Variants in ARID3B observed in about 807,000 individuals in gnomAD.
ARID3B encodes AT-rich interaction domain 3B, also known as AT-rich interactive domain-containing protein 3B.
In ARID3B, 10 loss-of-function variants were observed where a neutral mutation model predicts 51.9. The ratio of observed to expected loss-of-function variants is 0.19; its 90% CI spans 0.12 to 0.33. The LOEUF is 0.33. Among genes scored for constraint, ARID3B ranks in the 10% least tolerant of loss-of-function variants. The pLI is 1.00. For missense variants in ARID3B, 483 were observed against 716.3 expected (o/e 0.67, Z 3.72); for synonymous variants, 205 against 279.5 (o/e 0.73, Z 2.66).
At chr15:74,555,036 G>A (rs570306102) in intron 2 of ARID3B, among the ~76,000 whole-genome samples, 47 of 152,216 alleles carry the variant, frequency 3.1e-4, no homozygotes, top group African/African-American at 1.1e-3. Context: ...TGTGGTGATG[G>A]AGATGCTAAT....
chr15:74,547,151 TC>T (rs1201289406), intron 2 of ARID3B, among the ~76,000 whole-genome samples: 2 of 150,190 alleles, frequency 1.3e-5, no homozygotes, highest in Non-Finnish European at 3.0e-5. Context: ...CACAGATCTT[TC>T]CCCCCCGCCT....
In ARID3B at chr15:74,598,059, A is replaced by G. The variant is rs1288253538; in HGVS notation, c.*2285A>G. The G allele has an allele frequency of 1.9e-6, 1 of 526,164 alleles. No individual in the cohort carries two copies. The highest frequency in any genetic ancestry group is 3.7e-6 in the Non-Finnish European group (1 of 269,782). 32.6% of individuals were successfully genotyped at this position (526,164 alleles called of 1,614,324 possible). On this transcript the variant is annotated 3_prime_UTR_variant, in exon 9 of 9. Coordinates refer to ENST00000346246, the MANE Select transcript of ARID3B (RefSeq NM_006465.4). ...ATGTCCTCCTGCAGCAAGTGTCTAT[A>G]TGTTGTGGTTATTTTCTATCTTACA...
chr15:74,561,798 C>A (rs1353807407), intron 2 of ARID3B, among the ~76,000 whole-genome samples: 1 of 152,136 alleles, frequency 6.6e-6, no homozygotes, highest in Non-Finnish European at 1.5e-5. Context: ...TATTTTTCAA[C>A]CTTATGGTGG....
chr15:74,543,975 A>AG lies in ARID3B; in HGVS notation c.39_40insG (p.Gln14AlafsTer70), dbSNP rs529059345. 4.2e-4 allele frequency: 674 copies of AG among 1,601,010 alleles called. 2 individuals are homozygous for AG. The highest frequency in any genetic ancestry group is 3.4e-3 in the East Asian group (151 of 43,924). On this transcript the variant is annotated frameshift_variant, in exon 2 of 9. Coordinates refer to ENST00000346246, the MANE Select transcript of ARID3B (RefSeq NM_006465.4). LOFTEE classifies it high-confidence loss of function. ...AGCAGCAGCAGCAGCAGCAGCAGCA[A>AG]CAACAGAAGCAGCCACACCTGGCTC...
chr15:74,586,072 T>A (rs1017866902), intron 4 of ARID3B, among the ~76,000 whole-genome samples: 1 of 152,190 alleles, frequency 6.6e-6, no homozygotes, highest in Non-Finnish European at 1.5e-5. Context: ...AGAACCAGGG[T>A]GCCTGATCAG....
At position 74,596,058 on chromosome 15, in the gene ARID3B, C is replaced by A; in HGVS notation, c.*284C>A. ...TCCAGCTTCCTCCAGGGTTCCCCAG[C>A]CACCTCCCAGCTCAGGGCACAGTGT... On this transcript the variant is annotated 3_prime_UTR_variant, in exon 9 of 9. Coordinates refer to ENST00000346246, the MANE Select transcript of ARID3B (RefSeq NM_006465.4). 1 of 426,498 alleles carries A rather than the reference C, an allele frequency of 2.3e-6. No homozygotes were observed. Among genetic ancestry groups the A allele is most frequent in the Non-Finnish European group, 4.2e-6 (1 of 239,916 alleles). The allele number at this position is 426,498 out of a possible 1,614,324, so 26.4% of individuals were successfully genotyped here. A position where few individuals can be genotyped will look rare whatever the true frequency, so the allele number is the denominator to read the frequency against.
At chr15:74,565,646 A>G (rs1421983041) in intron 2 of ARID3B, among the ~76,000 whole-genome samples, 2 of 152,190 alleles carry the variant, frequency 1.3e-5, no homozygotes, top group Non-Finnish European at 2.9e-5. Flanking sequence ...TTTTAAAGTC[A>G]GGCGCTTCTG....
At chr15:74,552,888 A>G (rs75586257) in intron 2 of ARID3B, among the ~76,000 whole-genome samples, 3 of 152,258 alleles carry the variant, frequency 2.0e-5, no homozygotes, top group Non-Finnish European at 2.9e-5. Context: ...TAAAGCTATC[A>G]TACACATCTG....
At chr15:74,560,148 T>C (rs2141455667) in intron 2 of ARID3B, among the ~76,000 whole-genome samples, 1 of 150,674 alleles carries the variant, frequency 6.6e-6, no homozygotes, top group African/African-American at 2.4e-5. Flanking sequence ...GAGATTGCAG[T>C]GAGCCACGAT....
At chr15:74,567,151 G>A (rs929644304) in intron 2 of ARID3B, among the ~76,000 whole-genome samples, 10 of 152,052 alleles carry the variant, frequency 6.6e-5, no homozygotes, top group Non-Finnish European at 1.3e-4. Flanking sequence ...TGGTATTCAA[G>A]GCATCTCACA....
At chr15:74,567,654 C>G (rs1385288942) in intron 2 of ARID3B, among the ~76,000 whole-genome samples, 3 of 152,144 alleles carry the variant, frequency 2.0e-5, no homozygotes, top group African/African-American at 7.2e-5. Flanking sequence ...TTGCCCACCT[C>G]CTGGGAAGCT....
At chr15:74,594,245 G>A (rs34568027) in intron 8 of ARID3B, among the ~76,000 whole-genome samples, 2 of 152,030 alleles carry the variant, frequency 1.3e-5, no homozygotes, top group African/African-American at 4.8e-5. Context: ...TCAGGATATC[G>A]AGACCATCCT....
chr15:74,553,383 TG>T (rs2061644917), intron 2 of ARID3B, among the ~76,000 whole-genome samples: 1 of 152,244 alleles, frequency 6.6e-6, no homozygotes. Context: ...TTGAAATTCT[TG>T]TTACTTAATA....
At chr15:74,563,941 C>CT (rs1420603015) in intron 2 of ARID3B, among the ~76,000 whole-genome samples, 2 of 152,190 alleles carry the variant, frequency 1.3e-5, no homozygotes, top group Non-Finnish European at 2.9e-5. Context: ...GCTGCCCTCT[C>CT]TTCCTCCCCT....
chr15:74,579,864 T>C (rs866109265), intron 4 of ARID3B, among the ~76,000 whole-genome samples: 4 of 136,278 alleles, frequency 2.9e-5, no homozygotes, highest in African/African-American at 5.5e-5. Flanking sequence ...TGTGTGTGTG[T>C]GTGTGTGTGC....
At chr15:74,576,264 C>T (rs903405471) in intron 4 of ARID3B, among the ~76,000 whole-genome samples, 5 of 152,120 alleles carry the variant, frequency 3.3e-5, no homozygotes, top group Non-Finnish European at 7.4e-5. Flanking sequence ...TCAGTCACAA[C>T]AACCAAAAAT....
In ARID3B at chr15:74,597,931, G is replaced by C; in HGVS notation, c.*2157G>C. 1.9e-6 allele frequency: 1 copy of C among 531,070 alleles called. No homozygotes were observed. The highest frequency in any genetic ancestry group is 2.2e-5 in the Admixed American group (1 of 44,884). The allele number at this position is 531,070 out of a possible 1,614,324, so 32.9% of individuals were successfully genotyped here. On this transcript the variant is annotated 3_prime_UTR_variant, in exon 9 of 9. Transcript: ENST00000346246. Reference sequence around the variant, plus strand: ...AGAGCTTCCCCTGAAGGTGCCATCAGCCAGGGCAGCTCTGTCCCCTCCTGC... The same window carrying C: ...AGAGCTTCCCCTGAAGGTGCCATCACCCAGGGCAGCTCTGTCCCCTCCTGC...
At chr15:74,580,205 G>A (rs1020181849) in intron 4 of ARID3B, among the ~76,000 whole-genome samples, 3 of 152,092 alleles carry the variant, frequency 2.0e-5, no homozygotes, top group African/African-American at 4.8e-5. Context: ...AACAAAAAAC[G>A]TGTTTCTTTG....
chr15:74,565,353 T>G (rs931960060), intron 2 of ARID3B, among the ~76,000 whole-genome samples: 1 of 152,158 alleles, frequency 6.6e-6, no homozygotes, highest in African/African-American at 2.4e-5. Context: ...CACCCTGTTC[T>G]GTGTCTTCAG....
Sources: gnomAD v4.1 joint callset for allele counts (sites outside exome capture counted in the v4.1 genomes callset) on GRCh38, gnomAD v4.1.1 for gene constraint, MANE v1.5 for transcripts, NCBI Gene and HGNC (gene_info 2026-07-23, HGNC 2026-07-21) for gene names.